PIWIL4: variants seen among roughly 807,000 people sequenced by gnomAD.
PIWIL4 encodes the protein piwi like RNA-mediated gene silencing 4.
Under a neutral mutation model 100.9 loss-of-function variants are expected in PIWIL4, and 50 were observed. That is an observed-to-expected ratio of 0.50 (90% CI 0.39 to 0.63). PIWIL4 has a LOEUF of 0.63. PIWIL4 is among the 20% of genes least tolerant of loss of function. The pLI is 0.00. For synonymous variants in PIWIL4, 342 were observed against 367.5 expected, an observed-to-expected ratio of 0.93 and a Z score of 0.79; for missense variants, 887 against 1,043.3, an observed-to-expected ratio of 0.85 and a Z score of 2.06.
chr11:94,592,321 C>T (rs911833442), intron 8 of PIWIL4, among the ~76,000 whole-genome samples: 1 of 152,158 alleles, frequency 6.6e-6, no homozygotes, highest in Non-Finnish European at 1.5e-5. Context: ...TGTGCTTTAT[C>T]GTGCTTTGTT....
intron 9 of PIWIL4, among the ~76,000 whole-genome samples, chr11:94,594,538 T>C (rs1374366268): frequency 1.3e-5 from 2 of 152,002 alleles, no homozygotes; most frequent in African/African-American, 4.8e-5. Context: ...GTTCATTCTT[T>C]TTATTTTTTT....
intron 2 of PIWIL4, among the ~76,000 whole-genome samples, chr11:94,569,167 CA>C (rs1182160168): frequency 6.6e-6 from 1 of 152,112 alleles, no homozygotes; most frequent in African/African-American, 2.4e-5. Context: ...ATCATTATAT[CA>C]AAAATTTATC....
chr11:94,574,720 G>A (rs1036371902), intron 2 of PIWIL4, among the ~76,000 whole-genome samples: 3 of 152,016 alleles, frequency 2.0e-5, no homozygotes, highest in African/African-American at 7.2e-5. Flanking sequence ...GAGCTCAAGC[G>A]ATCCGCCCGC....
intron 6 of PIWIL4, among the ~76,000 whole-genome samples, chr11:94,586,721 C>T (rs1467110844): frequency 6.6e-6 from 1 of 152,096 alleles, no homozygotes; most frequent in Non-Finnish European, 1.5e-5. Flanking sequence ...CTGCTACTGG[C>T]GTCTAGTGGG....
At chr11:94,590,120 G>T (rs547450124) in intron 8 of PIWIL4, among the ~76,000 whole-genome samples, 3 of 152,280 alleles carry the variant, frequency 2.0e-5, no homozygotes, top group Non-Finnish European at 4.4e-5. Context: ...TTCAGGAAAA[G>T]CTCTTTTTCT....
intron 2 of PIWIL4, among the ~76,000 whole-genome samples, chr11:94,574,747 G>C (rs549313694): frequency 6.6e-6 from 1 of 152,320 alleles, no homozygotes; most frequent in South Asian, 2.1e-4. Flanking sequence ...CTCCTAAAGT[G>C]CTGGGACTAC....
At chr11:94,616,383 C>T (rs752652017) in intron 15 of PIWIL4, 110 bp from the exon 16 acceptor site, 22 of 960,622 alleles carry the variant, frequency 2.3e-5, no homozygotes, top group Middle Eastern at 3.2e-4. Context: ...TACAAAATTG[C>T]GAACATTGAT....
At chr11:94,600,192 G>A (rs984767403) in intron 11 of PIWIL4, among the ~76,000 whole-genome samples, 1 of 152,110 alleles carries the variant, frequency 6.6e-6, no homozygotes, top group Non-Finnish European at 1.5e-5. Flanking sequence ...TTGAGAGTGA[G>A]AAAGGAGTCT....
intron 4 of PIWIL4, 112 bp from the exon 5 acceptor site, chr11:94,583,336 C>T: frequency 8.6e-7 from 1 of 1,167,424 alleles, no homozygotes; most frequent in African/African-American, 1.5e-5. Flanking sequence ...CATACTAACA[C>T]CTGCAGTTTT....
At chr11:94,594,626 G>C (rs1031855537) in intron 9 of PIWIL4, among the ~76,000 whole-genome samples, 2 of 151,772 alleles carry the variant, frequency 1.3e-5, no homozygotes, top group African/African-American at 2.4e-5. Context: ...TCTGCCTCCC[G>C]GGTTCAAGCG....
chr11:94,621,085 G>A lies in PIWIL4; in HGVS notation c.*93G>A. ...GCCATAAGCTCAAGGCTGTGACTGG[G>A]GAAAAAGATTGAGCTTAGTTTTCAT... is the stretch of plus-strand genomic sequence containing the variant. On this transcript the variant is annotated 3_prime_UTR_variant, in exon 20 of 20. Transcript: ENST00000299001. The A allele has an allele frequency of 3.7e-6, 3 of 819,904 alleles. No individual in the cohort carries two copies. The highest frequency in any genetic ancestry group is 2.7e-5 in the East Asian group (1 of 37,320). 50.8% of individuals were successfully genotyped at this position (819,904 alleles called of 1,614,324 possible). A position where few individuals can be genotyped will look rare whatever the true frequency, so the allele number is the denominator to read the frequency against.
intron 5 of PIWIL4, among the ~76,000 whole-genome samples, chr11:94,584,432 G>A (rs1948369821): frequency 6.6e-6 from 1 of 152,108 alleles, no homozygotes; most frequent in Non-Finnish European, 1.5e-5. Flanking sequence ...GCACCTTTTG[G>A]TCATATCTGA....
intron 4 of PIWIL4, among the ~76,000 whole-genome samples, chr11:94,581,419 T>C (rs562174750): frequency 2.6e-5 from 4 of 152,088 alleles, no homozygotes; most frequent in East Asian, 1.9e-4. Flanking sequence ...GAGGCAAACA[T>C]GCAATGATGG....
chr11:94,610,048 C>A (rs1948771247), intron 15 of PIWIL4, among the ~76,000 whole-genome samples: 1 of 152,134 alleles, frequency 6.6e-6, no homozygotes, highest in South Asian at 2.1e-4. Context: ...CTATCCTCTG[C>A]CCCTGATAAC....
chr11:94,608,600 G>C lies in PIWIL4; in HGVS notation c.1857G>C (p.Val619=). ...AVEIPLKSLM[V]VGIDVCKDAL... The stretch of plus-strand genomic sequence containing the variant: ...TTTTATAGTTAAAGTCCCTGATGGT[G>C]GTCGGTATTGATGTCTGTAAAGATG... Residue 619 remains valine (V), a synonymous_variant, in exon 15 of 20, where the codon GTG becomes GTC. Coordinates refer to ENST00000299001, the MANE Select transcript of PIWIL4 (RefSeq NM_152431.3). 6.2e-7 allele frequency: 1 copy of C among 1,613,958 alleles called. No individual in the cohort carries two copies. Among genetic ancestry groups the C allele is most frequent in the Non-Finnish European group, 8.5e-7 (1 of 1,179,850 alleles).
chr11:94,588,938 T>C (rs1948442049), intron 7 of PIWIL4, among the ~76,000 whole-genome samples, 183 bp from the exon 8 acceptor site: 1 of 152,256 alleles, frequency 6.6e-6, no homozygotes, highest in African/African-American at 2.4e-5. Flanking sequence ...TAGGAAATTA[T>C]TAAGGAATGC....
intron 11 of PIWIL4, 152 bp downstream of exon 11, chr11:94,598,067 T>TC: frequency 1.6e-6 from 1 of 608,394 alleles, no homozygotes; most frequent in Non-Finnish European, 2.9e-6. Flanking sequence ...CCCTGTGGTT[T>TC]CCTTTTCAAT....
At chr11:94,587,005 G>A in intron 6 of PIWIL4, 45 bp from the exon 7 acceptor site, 2 of 1,435,924 alleles carry the variant, frequency 1.4e-6, no homozygotes, top group Non-Finnish European at 1.9e-6. Context: ...TGTGTTTCCG[G>A]TATAACATTG....
intron 2 of PIWIL4, among the ~76,000 whole-genome samples, chr11:94,574,070 A>G (rs896543840): frequency 1.3e-5 from 2 of 152,218 alleles, no homozygotes; most frequent in Non-Finnish European, 2.9e-5. Flanking sequence ...TTGCAGTAAC[A>G]TTTTGTATTT....
Sources: allele counts gnomAD v4.1 joint callset (sites outside exome capture counted in the v4.1 genomes callset), GRCh38; gene constraint gnomAD v4.1.1; transcripts MANE v1.5; gene names NCBI Gene and HGNC (gene_info 2026-07-23, HGNC 2026-07-21).